Variants in CREBBP observed in about 807,000 individuals in gnomAD.
CREBBP encodes CREB-binding protein.
In CREBBP, 19 loss-of-function variants were observed where a neutral mutation model predicts 265.0. The observed-to-expected ratio is 0.07, with a 90% CI of 0.05 to 0.11. The LOEUF (loss-of-function observed/expected upper bound fraction) is 0.11. Ranked by LOEUF, CREBBP falls within the 10% of genes least tolerant of loss-of-function variation. The pLI is 1.00. For missense variants in CREBBP, 2,525 were observed against 3,219.0 expected (o/e 0.78, Z 5.22); for synonymous variants, 1,457 against 1,223.7 (o/e 1.19, Z -3.98).
chr16:3,761,563 G>A (rs938127001), intron 16 of CREBBP: 3 of 518,588 alleles, frequency 5.8e-6, no homozygotes, highest in Non-Finnish European at 1.2e-5. Context: ...CAAAGCCCAG[G>A]ATACAGACTC....
At chr16:3,786,405 C>T (rs1350929234) in intron 5 of CREBBP, among the ~76,000 whole-genome samples, 2 of 152,104 alleles carry the variant, frequency 1.3e-5, no homozygotes, top group African/African-American at 4.8e-5. Context: ...AAGAGGTTTT[C>T]TGTACAGTCT....
intron 2 of CREBBP, among the ~76,000 whole-genome samples, chr16:3,814,270 T>TGTGTGTGTGTG: frequency 8.9e-6 from 1 of 112,006 alleles, no homozygotes; most frequent in African/African-American, 3.2e-5. Flanking sequence ...TGTGTGTGTG[T>TGTGTGTGTGTG]TTGAGACAGA....
chr16:3,853,257 ACTGT>A (rs2054890808), intron 1 of CREBBP, among the ~76,000 whole-genome samples: 1 of 152,214 alleles, frequency 6.6e-6, no homozygotes, highest in South Asian at 2.1e-4. Flanking sequence ...AATGCTAAGT[ACTGT>A]CTATTATTAT....
In CREBBP at chr16:3,757,318, C is replaced by T. The variant is rs1315374383; in HGVS notation, c.3668G>A (p.Arg1223His). The T allele has an allele frequency of 2.5e-6, 4 of 1,613,468 alleles. No individual in the cohort carries two copies. Among genetic ancestry groups the T allele is most frequent in the African/African-American group, 1.3e-5 (1 of 74,870 alleles). Residue 1223 changes from arginine to histidine, a missense_variant, in exon 19 of 31, where the codon CGC (arginine) becomes CAC (histidine). Coordinates refer to ENST00000262367, the MANE Select transcript of CREBBP (RefSeq NM_004380.3). Reference protein sequence around the residue: ...CYGKQLCTIPRDAAYYSYQNR... With the variant: ...CYGKQLCTIPHDAAYYSYQNR... Reference sequence around the variant, plus strand: ...CTGATAGCTGTAGTAGGCAGCATCGCGAGGAATGGTACACAGCTGCTTCCC... The same window carrying T: ...CTGATAGCTGTAGTAGGCAGCATCGTGAGGAATGGTACACAGCTGCTTCCC...
chr16:3,871,276 C>G (rs1321859722), intron 1 of CREBBP, among the ~76,000 whole-genome samples: 1 of 151,942 alleles, frequency 6.6e-6, no homozygotes, highest in Non-Finnish European at 1.5e-5. Context: ...CAGCCCAAGT[C>G]ACAGCGCTGC....
chr16:3,778,092 T>G lies in CREBBP; in HGVS notation c.2032A>C (p.Ile678Leu), dbSNP rs780394379. Reference sequence around the variant, plus strand: ...GGTAAGGCTGGCTGGTTCCCCAAGATGCCTTGTTTATGTAAACGCGACCTC... The same window carrying G: ...GGTAAGGCTGGCTGGTTCCCCAAGAGGCCTTGTTTATGTAAACGCGACCTC... ...KRRSRLHKQG[I>L]LGNQPALPAP... The change falls in exon 10 of 31, where the codon ATC (isoleucine) becomes CTC (leucine). Residue 678 changes from isoleucine to leucine, a missense_variant. Transcript: ENST00000262367. 9 of 1,614,230 alleles carry G rather than the reference T, an allele frequency of 5.6e-6. No homozygotes were observed. Among genetic ancestry groups the G allele is most frequent in the Non-Finnish European group, 7.6e-6 (9 of 1,180,032 alleles).
At chr16:3,840,363 A>C (rs1165097012) in intron 2 of CREBBP, among the ~76,000 whole-genome samples, 2 of 152,178 alleles carry the variant, frequency 1.3e-5, no homozygotes, top group Non-Finnish European at 2.9e-5. Flanking sequence ...CAGCCCAGGC[A>C]ACATAGCAAC....
intron 2 of CREBBP, among the ~76,000 whole-genome samples, chr16:3,813,603 T>C (rs1463652691): frequency 1.3e-5 from 2 of 151,930 alleles, no homozygotes; most frequent in African/African-American, 2.4e-5. Flanking sequence ...AAAAATATAG[T>C]TTTTTTTCCC....
Position 3,728,596 on chromosome 16 carries a change from G to A in CREBBP, c.6451C>T (p.Arg2151Trp), listed in dbSNP as rs1361732490. The A allele has an allele frequency of 3.1e-6, 5 of 1,613,684 alleles. No individual in the cohort carries two copies. Among genetic ancestry groups the A allele is most frequent in the East Asian group, 2.2e-5 (1 of 44,878 alleles). ...NLNAMQAGVP[R>W]PGVPPQQQAM... Reference sequence around the variant, plus strand: ...TGCTGCTGTGGAGGCACACCGGGCCGCGGCACGCCAGCCTGCATGGCATTC... The same window carrying A: ...TGCTGCTGTGGAGGCACACCGGGCCACGGCACGCCAGCCTGCATGGCATTC... Residue 2151 changes from arginine to tryptophan, a missense_variant, in exon 31 of 31, where the codon CGG becomes TGG. Arg to Trp is a moderately radical substitution (Grantham distance 101). Transcript: ENST00000262367. This position sits in a 1 kb window ranked among gnomAD's most constrained non-coding sequence, Gnocchi z 8.7.
At chr16:3,774,724 A>G in intron 11 of CREBBP, 31 bp from the exon 12 acceptor site, 1 of 1,613,930 alleles carries the variant, frequency 6.2e-7, no homozygotes, top group Non-Finnish European at 8.5e-7. Context: ...GTTCATTAGG[A>G]AAAGCACCCA....
At chr16:3,773,558 A>G (rs1022182659) in intron 13 of CREBBP, 193 bp downstream of exon 13, 7 of 633,002 alleles carry the variant, frequency 1.1e-5, no homozygotes, top group Non-Finnish European at 1.9e-5. Context: ...TAACCCAGAA[A>G]GGATAAGAGA....
chr16:3,835,479 G>C (rs2054426357), intron 2 of CREBBP, among the ~76,000 whole-genome samples: 1 of 151,112 alleles, frequency 6.6e-6, no homozygotes, highest in Non-Finnish European at 1.5e-5. Context: ...ACACCTCCTT[G>C]TACAGTGAAT....
At chr16:3,774,034 C>T in intron 12 of CREBBP, 104 bp from the exon 13 acceptor site, 1 of 1,274,478 alleles carries the variant, frequency 7.8e-7, no homozygotes, top group South Asian at 1.2e-5. Context: ...CAGAGGATGG[C>T]AAGCACAGGG....
In CREBBP at chr16:3,849,430, T is replaced by TGTGTGTG. The variant is rs2054752203; in HGVS notation, c.798+860_798+866dup. ...GTGTGTGTGTGTGTGTGTGTGTGTG[T>TGTGTGTG]GTGTGTGTGTGTGTGTGTGTGTGTG... On this transcript the variant is annotated intron_variant, in intron 2 of 30. Transcript: ENST00000262367. 2.1e-3 allele frequency among the ~76,000 whole-genome samples: 18 copies of TGTGTGTG among 8,584 alleles called. 1 individual carries two copies. Among genetic ancestry groups the TGTGTGTG allele is most frequent in the Admixed American group, 0.015 (9 of 612 alleles). 5.6% of individuals were successfully genotyped at this position (8,584 alleles called of 152,430 possible). A position where few individuals can be genotyped will look rare whatever the true frequency, so the allele number is the denominator to read the frequency against.
At chr16:3,870,512 A>G (rs187566977) in intron 1 of CREBBP, among the ~76,000 whole-genome samples, 1 of 152,356 alleles carries the variant, frequency 6.6e-6, no homozygotes. Flanking sequence ...TTAAGAGTTC[A>G]ATTTTCCAAT....
chr16:3,879,933 A>G lies in CREBBP; in HGVS notation c.-17T>C. 1 of 1,608,938 alleles carries G rather than the reference A, an allele frequency of 6.2e-7. No individual in the cohort carries two copies. Among genetic ancestry groups the G allele is most frequent in the Admixed American group, 1.7e-5 (1 of 59,702 alleles). On this transcript the variant is annotated 5_prime_UTR_variant, in exon 1 of 31. Coordinates refer to ENST00000262367, the MANE Select transcript of CREBBP (RefSeq NM_004380.3). ...CTCAGCCATTTTCACCTGCTCGCGA[A>G]AACAGCCCCGGGCACGGGCGGCCGG...
intron 21 of CREBBP, among the ~76,000 whole-genome samples, chr16:3,748,349 C>A (rs1375975595): frequency 1.3e-5 from 2 of 151,810 alleles, no homozygotes; most frequent in African/African-American, 2.4e-5. Context: ...GAGAGAAAGA[C>A]ACAATGTGAA....
At position 3,773,216 on chromosome 16, in the gene CREBBP, A is replaced by G. The variant is rs1338190142; in HGVS notation, c.2463+535T>C. Reference sequence around the variant, plus strand: ...TACGCACTACAACTAACAAAAGAGGAAAAAAGGAAGGAATAAATGGAAAAT... The same window carrying G: ...TACGCACTACAACTAACAAAAGAGGGAAAAAGGAAGGAATAAATGGAAAAT... On this transcript the variant is annotated intron_variant, in intron 13 of 30. Transcript: ENST00000262367. 4.6e-5 allele frequency among the ~76,000 whole-genome samples: 7 copies of G among 152,304 alleles called. No individual in the cohort carries two copies. The East Asian group carries it at 1.3e-3, about 29-fold the overall frequency.
At chr16:3,817,993 C>T (rs2054069764) in intron 2 of CREBBP, among the ~76,000 whole-genome samples, 1 of 152,182 alleles carries the variant, frequency 6.6e-6, no homozygotes, top group African/African-American at 2.4e-5. Context: ...AACCCTGAGC[C>T]ATGTATGGGA....
Sources: allele counts gnomAD v4.1 joint callset (sites outside exome capture counted in the v4.1 genomes callset), GRCh38; gene constraint gnomAD v4.1.1; non-coding constraint Gnocchi (gnomAD v3.1); transcripts MANE v1.5; gene names NCBI Gene and HGNC (gene_info 2026-07-23, HGNC 2026-07-21).